Variants in CARM1 observed in about 807,000 individuals in gnomAD.
CARM1 encodes histone-arginine methyltransferase CARM1.
In CARM1, 14 loss-of-function variants were observed where a neutral mutation model predicts 72.7. That is an observed-to-expected ratio of 0.19 (90% confidence interval 0.13 to 0.30). The LOEUF is 0.30. Ranked by LOEUF, CARM1 falls within the 10% of genes least tolerant of loss-of-function variation. The pLI, the probability that CARM1 is intolerant of heterozygous loss-of-function variation, is 1.00. For missense variants in CARM1, 432 were observed against 833.7 expected (o/e 0.52, Z 5.93); for synonymous variants, 333 against 345.5 (o/e 0.96, Z 0.40).
At chr19:10,878,456 G>A (rs955335767) in intron 1 of CARM1, among the ~76,000 whole-genome samples, 1 of 152,100 alleles carries the variant, frequency 6.6e-6, no homozygotes. Context: ...CAATTGTGGC[G>A]CTTACTGTAT....
rs1436668193 is a variant in CARM1, at chr19:10,922,123, G to A, written c.*366G>A. 2.7e-5 allele frequency: 5 copies of A among 184,130 alleles called. No individual in the cohort carries two copies. Among genetic ancestry groups the A allele is most frequent in the South Asian group, 1.9e-4 (1 of 5,382 alleles). 11.4% of individuals were successfully genotyped at this position (184,130 alleles called of 1,614,324 possible). The stretch of plus-strand genomic sequence containing the variant: ...CCTGTCCCCCTGCCTGTCTCCAGTG[G>A]GAAGGTAGCCTGGCCAGGCGGGGCC... On this transcript the variant is annotated 3_prime_UTR_variant, in exon 16 of 16. Coordinates refer to ENST00000327064, the MANE Select transcript of CARM1 (RefSeq NM_199141.2).
At chr19:10,908,772 T>G in intron 3 of CARM1, 1 of 260,466 alleles carries the variant, frequency 3.8e-6, no homozygotes, top group Non-Finnish European at 7.6e-6. Context: ...GCTTCTCTTC[T>G]TCTTTGGGGC....
At chr19:10,918,343 A>G (rs1325314992) in intron 8 of CARM1, among the ~76,000 whole-genome samples, 1 of 152,080 alleles carries the variant, frequency 6.6e-6, no homozygotes, top group East Asian at 1.9e-4. Context: ...CTCCTGCCTC[A>G]GCTTCCCAAG....
intron 1 of CARM1, among the ~76,000 whole-genome samples, chr19:10,884,716 T>A (rs1199713812): frequency 6.6e-6 from 1 of 152,174 alleles, no homozygotes; most frequent in Non-Finnish European, 1.5e-5. Context: ...TTTTATTATT[T>A]TTTTTTGAGA....
rs1385026465 is a variant in CARM1 at position 10,871,598 on chromosome 19, G to GGCGGCGGCT, written c.-97_-96insTGCGGCGGC. 3.9e-4 allele frequency: 28 copies of GGCGGCGGCT among 71,642 alleles called. No homozygotes were observed. Among genetic ancestry groups the GGCGGCGGCT allele is most frequent in the Non-Finnish European group, 7.1e-4 (22 of 30,790 alleles). 4.4% of individuals were successfully genotyped at this position (71,642 alleles called of 1,614,324 possible). A position where few individuals can be genotyped will look rare whatever the true frequency, so the allele number is the denominator to read the frequency against. The stretch of plus-strand genomic sequence containing the variant: ...CGGCGGCGGTAGCGGCAGCGGCGGC[G>GGCGGCGGCT]GCGGCGGCGGCGGCGGCGGCGGCGG... On this transcript the variant is annotated 5_prime_UTR_variant, in exon 1 of 16. Coordinates refer to ENST00000327064, the MANE Select transcript of CARM1 (RefSeq NM_199141.2). This position sits in a 1 kb window ranked among gnomAD's most constrained non-coding sequence, Gnocchi z 5.6.
At position 10,922,318 on chromosome 19, in the gene CARM1, G is replaced by A. The variant is rs12972716; in HGVS notation, c.*561G>A. The A allele has an allele frequency of 6.6e-6, 1 of 152,652 alleles. No individual in the cohort carries two copies. The highest frequency in any genetic ancestry group is 2.1e-4 in the South Asian group (1 of 4,834). 9.5% of individuals were successfully genotyped at this position (152,652 alleles called of 1,614,324 possible). A position where few individuals can be genotyped will look rare whatever the true frequency, so the allele number is the denominator to read the frequency against. On this transcript the variant is annotated 3_prime_UTR_variant, in exon 16 of 16. Transcript: ENST00000327064. ...TAGACTCAGAGGCGCCGCGGGGAGGGGTGGCCCCGCCGAGGCTTCAGGGGC... is the reference window on the plus strand; with the variant it reads ...TAGACTCAGAGGCGCCGCGGGGAGGAGTGGCCCCGCCGAGGCTTCAGGGGC...
At chr19:10,900,169 A>G (rs1351891578) in intron 1 of CARM1, among the ~76,000 whole-genome samples, 3 of 152,156 alleles carry the variant, frequency 2.0e-5, no homozygotes, top group Non-Finnish European at 4.4e-5. Context: ...AAAATTAGCC[A>G]GGGGTGGTGG....
rs1446390293 is a variant in CARM1 at position 10,871,657 on chromosome 19, C to T, written c.-46C>T. The stretch of plus-strand genomic sequence containing the variant: ...GCGGCGGCAGCGGCGGCGGCCTGGG[C>T]CCGGGCGCAGCGGCGGCGGCGGCGG... On this transcript the variant is annotated 5_prime_UTR_variant, in exon 1 of 16. Coordinates refer to ENST00000327064, the MANE Select transcript of CARM1 (RefSeq NM_199141.2). The surrounding 1 kb of genome is among the most constrained non-coding windows in gnomAD (Gnocchi z 5.6). 1 of 420,922 alleles carries T rather than the reference C, an allele frequency of 2.4e-6. No homozygotes were observed. The highest frequency in any genetic ancestry group is 3.1e-6 in the Non-Finnish European group (1 of 321,224). The allele number at this position is 420,922 out of a possible 1,614,324, so 26.1% of individuals were successfully genotyped here.
At position 10,922,284 on chromosome 19, in the gene CARM1, C is replaced by T. The variant is rs1568359395; in HGVS notation, c.*527C>T. 6.5e-6 allele frequency: 1 copy of T among 152,734 alleles called. No individual in the cohort carries two copies. Among genetic ancestry groups the T allele is most frequent in the East Asian group, 1.9e-4 (1 of 5,186 alleles). The allele number at this position is 152,734 out of a possible 1,614,324, so 9.5% of individuals were successfully genotyped here. A position where few individuals can be genotyped will look rare whatever the true frequency, so the allele number is the denominator to read the frequency against. ...AGGCCGGCCGGGCCGAGCCAGCAGC[C>T]CCTCTCCCTAGACTCAGAGGCGCCG... On this transcript the variant is annotated 3_prime_UTR_variant, in exon 16 of 16. Coordinates refer to ENST00000327064, the MANE Select transcript of CARM1 (RefSeq NM_199141.2).
rs1053681142 is a variant in CARM1, at chr19:10,915,127, G to A, written c.847+1073G>A. Among the ~76,000 whole-genome samples, 8 of 152,190 alleles carry A rather than the reference G, an allele frequency of 5.3e-5. No individual in the cohort carries two copies. The highest frequency in any genetic ancestry group is 1.9e-4 in the African/African-American group (8 of 41,446). ...TCATCTCTGGCCCGCCCTGGATCCA[G>A]GCCCTAGGGTCCTGGCTGGCTGTGC... is the stretch of plus-strand genomic sequence containing the variant. On this transcript the variant is annotated intron_variant, in intron 6 of 15. Coordinates refer to ENST00000327064, the MANE Select transcript of CARM1 (RefSeq NM_199141.2). This position sits in a 1 kb window ranked among gnomAD's most constrained non-coding sequence, Gnocchi z 4.6.
intron 1 of CARM1, among the ~76,000 whole-genome samples, chr19:10,895,225 C>T (rs1207565744): frequency 6.6e-6 from 1 of 152,214 alleles, no homozygotes; most frequent in African/African-American, 2.4e-5. Context: ...GTGCCTCAGC[C>T]TCCCAAGTAG....
At chr19:10,897,187 A>T (rs1416263200) in intron 1 of CARM1, among the ~76,000 whole-genome samples, 1 of 152,056 alleles carries the variant, frequency 6.6e-6, no homozygotes, top group Non-Finnish European at 1.5e-5. Context: ...CACCTCGGCC[A>T]CTCTTGCTGT....
intron 1 of CARM1, among the ~76,000 whole-genome samples, chr19:10,901,380 A>G (rs2074064081): frequency 6.6e-6 from 1 of 151,640 alleles, no homozygotes; most frequent in African/African-American, 2.4e-5. Context: ...GTTCACAGGC[A>G]GTCATAGCTA....
intron 1 of CARM1, among the ~76,000 whole-genome samples, chr19:10,884,165 A>AC (rs1423894241): frequency 1.3e-5 from 2 of 149,102 alleles, no homozygotes; most frequent in Admixed American, 6.7e-5. Flanking sequence ...CAATGTGGAG[A>AC]CCCCTTCTCT....
Position 10,871,666 on chromosome 19 carries a change from A to G in CARM1, c.-37A>G, listed in dbSNP as rs1222134520. On this transcript the variant is annotated 5_prime_UTR_variant, in exon 1 of 16. Coordinates refer to ENST00000327064, the MANE Select transcript of CARM1 (RefSeq NM_199141.2). This position sits in a 1 kb window ranked among gnomAD's most constrained non-coding sequence, Gnocchi z 5.6. ...GCGGCGGCGGCCTGGGCCCGGGCGC[A>G]GCGGCGGCGGCGGCGGGGCCTGGAG... 3.6e-5 allele frequency: 16 copies of G among 445,010 alleles called. No individual in the cohort carries two copies. The African/African-American group carries it at 3.6e-4, about 10-fold the overall frequency. 27.6% of individuals were successfully genotyped at this position (445,010 alleles called of 1,614,324 possible).
intron 2 of CARM1, 107 bp from the exon 3 acceptor site, chr19:10,907,932 T>G (rs2074116655): frequency 2.8e-6 from 2 of 710,342 alleles, no homozygotes; most frequent in Admixed American, 4.3e-5. Flanking sequence ...GCCCTGTATG[T>G]TCAAGGGAGA....
rs2074109416 is a variant in CARM1 at position 10,906,915 on chromosome 19, A to ATTTTAT, written c.347-1120_347-1115dup. Reference sequence around the variant, plus strand: ...ATTTTATTTTATTTTATTTTATTTTATTTTATTTTGAGACAGAGTCTCACT... The same window carrying ATTTTAT: ...ATTTTATTTTATTTTATTTTATTTTATTTTATTTTTATTTTGAGACAGAGTCTCACT... On this transcript the variant is annotated intron_variant, in intron 2 of 15. Transcript: ENST00000327064. Among the ~76,000 whole-genome samples, 7 of 128,554 alleles carry ATTTTAT rather than the reference A, an allele frequency of 5.4e-5. No individual in the cohort carries two copies. In the South Asian group the frequency reaches 1.6e-3, roughly 30 times the overall value. 84.3% of individuals were successfully genotyped at this position (128,554 alleles called of 152,430 possible).
In CARM1 at chr19:10,904,977, T is replaced by C; in HGVS notation, c.247T>C (p.Ser83Pro). 6.2e-7 allele frequency: 1 copy of C among 1,614,202 alleles called. No homozygotes were observed. The highest frequency in any genetic ancestry group is 8.5e-7 in the Non-Finnish European group (1 of 1,180,016). ...SHEDVCVFKCSVSRETECSRV... is the reference protein window; with the variant it reads ...SHEDVCVFKCPVSRETECSRV... ...TGAAGATGTGTGTGTCTTTAAGTGC[T>C]CAGTGTCCCGAGAGACAGAGTGCAG... The change falls in exon 2 of 16, where the codon TCA becomes CCA. Residue 83 changes from serine (S) to proline (P), a missense_variant. By Grantham distance (74) the Ser-to-Pro change is moderately conservative. This residue lies in a region of CARM1 where 138 missense variants were observed against 192.3 expected (regional missense o/e 0.72). Transcript: ENST00000327064.
chr19:10,878,961 C>T (rs943121085), intron 1 of CARM1, among the ~76,000 whole-genome samples: 1 of 152,114 alleles, frequency 6.6e-6, no homozygotes, highest in Admixed American at 6.6e-5. Context: ...CGTGTGCCAC[C>T]ACGGCTGGCT....
Sources: allele counts gnomAD v4.1 joint callset (sites outside exome capture counted in the v4.1 genomes callset), GRCh38; gene constraint gnomAD v4.1.1; regional missense constraint gnomAD v4.1.1; non-coding constraint Gnocchi (gnomAD v3.1); transcripts MANE v1.5; gene names NCBI Gene and HGNC (gene_info 2026-07-23, HGNC 2026-07-21).